The following AHNAK2 variants were observed in gnomAD, a reference collection of about 807,000 sequenced individuals.
The protein encoded by AHNAK2 is AHNAK nucleoprotein 2, also known as protein AHNAK2.
AHNAK2 carries 18 observed loss-of-function variants against 30.7 expected under a neutral mutation model. That is an observed-to-expected ratio of 0.59 (90% CI 0.41 to 0.87). The LOEUF (loss-of-function observed/expected upper bound fraction) is 0.87. AHNAK2 is among the 40% of genes least tolerant of loss of function. The probability of loss-of-function intolerance (pLI) is 0.00; values close to 1 mark genes in which losing one functional copy is unlikely to be tolerated. For synonymous variants in AHNAK2, 3,590 were observed against 3,073.8 expected (o/e 1.17, Z -5.56); for missense variants, 8,604 against 7,373.0 (o/e 1.17, Z -6.11).
At position 104,951,587 on chromosome 14, in the gene AHNAK2, AG is replaced by A. The variant is rs1566916360; in HGVS notation, c.3863del (p.Ala1288ValfsTer34). 8.0e-7 allele frequency: 1 copy of A among 1,242,552 alleles called. No homozygotes were observed. Among genetic ancestry groups the A allele is most frequent in the African/African-American group, 1.4e-5 (1 of 69,480 alleles). The allele number at this position is 1,242,552 out of a possible 1,614,324, so 77.0% of individuals were successfully genotyped here. On this transcript the variant is annotated frameshift_variant, in exon 7 of 7. Coordinates refer to ENST00000333244, the MANE Select transcript of AHNAK2 (RefSeq NM_138420.4). LOFTEE classifies it low-confidence loss of function (END_TRUNC). ...CCACCTCCACACTGGGCAGAGACAC[AG>A]CCACTTCGTGGGCCGTCACCTCTGC... ...HKAEVTAHEVAVSLPSVEVDM... is the reference protein window; with the variant it reads ...HKAEVTAHEVXVSLPSVEVDM...
chr14:104,952,947 A>G lies in AHNAK2; in HGVS notation c.2504T>C (p.Met835Thr). The change falls in exon 7 of 7, where the codon ATG becomes ACG. Residue 835 changes from methionine to threonine, a missense_variant. Transcript: ENST00000333244. ...GAATGATGGCATCTTGAACTTGGGC[A>G]TTTTGAACTTGCTGTCTTTGGCAGT... is the stretch of plus-strand genomic sequence containing the variant. ...EVTAKDSKFK[M>T]PKFKMPSFGV... is the part of the protein sequence containing the mutation. 1.2e-6 allele frequency: 2 copies of G among 1,611,298 alleles called. No homozygotes were observed. The highest frequency in any genetic ancestry group is 1.1e-5 in the South Asian group (1 of 90,934).
At position 104,952,087 on chromosome 14, in the gene AHNAK2, C is replaced by T. The variant is rs1595418194; in HGVS notation, c.3364G>A (p.Val1122Met). The T allele has an allele frequency of 1.2e-6, 2 of 1,612,680 alleles. No homozygotes were observed. The highest frequency in any genetic ancestry group is 1.3e-5 in the African/African-American group (1 of 74,420). Residue 1122 changes from valine (V) to methionine (M), a missense_variant, in exon 7 of 7, where the codon GTG becomes ATG. Physicochemically the swap from Val to Met is conservative, Grantham distance 21. Coordinates refer to ENST00000333244, the MANE Select transcript of AHNAK2 (RefSeq NM_138420.4). ...SPKAEVTAPD[V>M]EVSLPSVEVD... The stretch of plus-strand genomic sequence containing the variant: ...TCCACGCTGGGCAGAGACACCTCCA[C>T]ATCAGGGGCTGTGACTTCCGCCTTG...
Position 104,941,266 on chromosome 14 carries a change from T to G in AHNAK2, c.14185A>C (p.Ile4729Leu). The change falls in exon 7 of 7, where the codon ATA becomes CTA. Residue 4729 changes from isoleucine (I) to leucine (L), a missense_variant. By Grantham distance (5) the Ile-to-Leu change is conservative. Transcript: ENST00000333244. ...DSLVPGAKSS[I>L]GLSTIPLSSS... Reference sequence around the variant, plus strand: ...GATAAAGGAATCGTGGAAAGACCTATGCTAGACTTTGCACCTGGGACTAAA... The same window carrying G: ...GATAAAGGAATCGTGGAAAGACCTAGGCTAGACTTTGCACCTGGGACTAAA... 1.2e-6 allele frequency: 2 copies of G among 1,613,618 alleles called. No homozygotes were observed. Among genetic ancestry groups the G allele is most frequent in the Non-Finnish European group, 1.7e-6 (2 of 1,179,862 alleles).
rs1369343595 is a variant in AHNAK2, at chr14:104,940,553, G to C, written c.14898C>G (p.Ser4966=). Residue 4966 remains serine (S), a synonymous_variant, in exon 7 of 7, where the codon TCC becomes TCG. Coordinates refer to ENST00000333244, the MANE Select transcript of AHNAK2 (RefSeq NM_138420.4). The surrounding 1 kb of genome is among the most constrained non-coding windows in gnomAD (Gnocchi z 4.4). ...PKIKLPSFRW[S]PKKETGPKVD... Reference sequence around the variant, plus strand: ...CCTTTGGCCCTGTTTCCTTCTTCGGGGACCACCTAAATGATGGAAGCTTAA... The same window carrying C: ...CCTTTGGCCCTGTTTCCTTCTTCGGCGACCACCTAAATGATGGAAGCTTAA... 6.2e-7 allele frequency: 1 copy of C among 1,613,598 alleles called. No individual in the cohort carries two copies. The highest frequency in any genetic ancestry group is 8.5e-7 in the Non-Finnish European group (1 of 1,179,802).
intron 1 of AHNAK2, among the ~76,000 whole-genome samples, chr14:104,972,742 A>T (rs112292837): frequency 0.015 from 2,282 of 151,970 alleles, 60 homozygotes; most frequent in African/African-American, 0.052. Context: ...CCCTCTCCAG[A>T]CTCTAAGCAC....
chr14:104,969,258 G>A (rs1378356704), intron 1 of AHNAK2, among the ~76,000 whole-genome samples: 1 of 152,200 alleles, frequency 6.6e-6, no homozygotes, highest in Non-Finnish European at 1.5e-5. Context: ...CTGCACCCGT[G>A]AGGCTATTCA....
Position 104,954,064 on chromosome 14 carries a change from C to T in AHNAK2, c.1387G>A (p.Ala463Thr), listed in dbSNP as rs751434021. ...GTTGTGTCTCTCAAGGACAGTCTGG[C>T]GATCCCGATTTCCAGGCTCTGCAGT... ...EGLQSLEIGI[A>T]RLSLRDTTEG... is the part of the protein sequence containing the mutation. Residue 463 changes from alanine to threonine, a missense_variant, in exon 7 of 7, where the codon GCC (alanine) becomes ACC (threonine). By Grantham distance (58) the Ala-to-Thr change is moderately conservative. Coordinates refer to ENST00000333244, the MANE Select transcript of AHNAK2 (RefSeq NM_138420.4). The surrounding 1 kb of genome is among the most constrained non-coding windows in gnomAD (Gnocchi z 4.3). The T allele has an allele frequency of 5.0e-6, 8 of 1,613,148 alleles. No homozygotes were observed. The African/African-American group carries it at 5.3e-5, about 11-fold the overall frequency.
At position 104,948,572 on chromosome 14, in the gene AHNAK2, G is replaced by T. The variant is rs746545112; in HGVS notation, c.6879C>A (p.Ala2293=). 20 of 1,612,060 alleles carry T rather than the reference G, an allele frequency of 1.2e-5. 1 individual carries two copies. The East Asian group carries it at 1.8e-4, about 14-fold the overall frequency. Residue 2293 remains alanine (A), a synonymous_variant, in exon 7 of 7, where the codon GCC becomes GCA. Transcript: ENST00000333244. ...SVEVDVKAPG[A]KLDGARLEGD... is the part of the protein sequence containing the mutation. ...CCTCCAGCCGCGCACCATCCAGCTT[G>T]GCTCCTGGGGCCTTGACGTCCACCT...
chr14:104,943,823 C>G lies in AHNAK2; in HGVS notation c.11628G>C (p.Val3876=), dbSNP rs755155688. The G allele has an allele frequency of 6.2e-7, 1 of 1,612,078 alleles. No individual in the cohort carries two copies. Among genetic ancestry groups the G allele is most frequent in the Non-Finnish European group, 8.5e-7 (1 of 1,179,494 alleles). ...QVDMKLLEGH[V]PEEAGLKGHL... The stretch of plus-strand genomic sequence containing the variant: ...GTCCTTTGAGGCCGGCTTCCTCGGG[C>G]ACGTGGCCCTCCAGGAGTTTCATGT... Residue 3876 remains valine (V), a synonymous_variant, in exon 7 of 7, where the codon GTG becomes GTC. Transcript: ENST00000333244.
At position 104,954,797 on chromosome 14, in the gene AHNAK2, G is replaced by A. The variant is rs906346230; in HGVS notation, c.654C>T (p.Asp218=). The part of the protein sequence containing the change: ...QHGPQGKEKE[D]TDVADGCRET... ...CTCTGCACCCATCAGCAACATCCGTGTCCTGAAACATAGGGAGAGGGAATC... is the reference window on the plus strand; with the variant it reads ...CTCTGCACCCATCAGCAACATCCGTATCCTGAAACATAGGGAGAGGGAATC... Residue 218 remains aspartate (D), a splice_region_variant and synonymous_variant, in exon 7 of 7, where the codon GAC becomes GAT. Transcript: ENST00000333244. The surrounding 1 kb of genome is among the most constrained non-coding windows in gnomAD (Gnocchi z 4.3). 1 of 1,559,306 alleles carries A rather than the reference G, an allele frequency of 6.4e-7. No individual in the cohort carries two copies. Among genetic ancestry groups the A allele is most frequent in the African/African-American group, 1.4e-5 (1 of 73,058 alleles).
At position 104,945,374 on chromosome 14, in the gene AHNAK2, C is replaced by G; in HGVS notation, c.10077G>C (p.Gln3359His). The G allele has an allele frequency of 6.2e-7, 1 of 1,612,694 alleles. No homozygotes were observed. Among genetic ancestry groups the G allele is most frequent in the African/African-American group, 1.3e-5 (1 of 74,684 alleles). The change falls in exon 7 of 7, where the codon CAG (glutamine) becomes CAC (histidine). Residue 3359 changes from glutamine to histidine, a missense_variant. Coordinates refer to ENST00000333244, the MANE Select transcript of AHNAK2 (RefSeq NM_138420.4). ...GGACCTCCAGGTCCACAGAAGGGAGCTGAATGCTGAGGTCAGTGGTCTTGA... is the reference window on the plus strand; with the variant it reads ...GGACCTCCAGGTCCACAGAAGGGAGGTGAATGCTGAGGTCAGTGGTCTTGA... The part of the protein sequence containing the change: ...GDLKTTDLSI[Q>H]LPSVDLEVQA...
At position 104,947,942 on chromosome 14, in the gene AHNAK2, C is replaced by T. The variant is rs1348570910; in HGVS notation, c.7509G>A (p.Glu2503=). The change falls in exon 7 of 7, where the codon GAG becomes GAA. Residue 2503 remains glutamate (E), a synonymous_variant. Coordinates refer to ENST00000333244, the MANE Select transcript of AHNAK2 (RefSeq NM_138420.4). ...FGVSAPGKSI[E]ASVDVSAPKV... ...TCGGCGCAGACACATCCACCGAGGC[C>T]TCGATGGACTTGCCTGGGGCAGACA... is the stretch of plus-strand genomic sequence containing the variant. 17 of 1,612,800 alleles carry T rather than the reference C, an allele frequency of 1.1e-5. No individual in the cohort carries two copies. Among genetic ancestry groups the T allele is most frequent in the South Asian group, 8.8e-5 (8 of 91,048 alleles).
Position 104,945,401 on chromosome 14 carries a change from GT to G in AHNAK2, c.10049del (p.Asp3350AlafsTer25), listed in dbSNP as rs1264881849. 3.7e-6 allele frequency: 6 copies of G among 1,612,820 alleles called. No homozygotes were observed. The African/African-American group carries it at 8.0e-5, about 22-fold the overall frequency. On this transcript the variant is annotated frameshift_variant, in exon 7 of 7. Coordinates refer to ENST00000333244, the MANE Select transcript of AHNAK2 (RefSeq NM_138420.4). LOFTEE classifies it low-confidence loss of function (END_TRUNC). ...GAATGCTGAGGTCAGTGGTCTTGAGGTCCCCCTGCATGGAGGGGAGGCTCAC... is the reference window on the plus strand; with the variant it reads ...GAATGCTGAGGTCAGTGGTCTTGAGGCCCCCTGCATGGAGGGGAGGCTCAC... Reference protein sequence around the residue: ...ADVSLPSMQGDLKTTDLSIQL... With the variant: ...ADVSLPSMQGXLKTTDLSIQL...
At position 104,940,339 on chromosome 14, in the gene AHNAK2, C is replaced by A; in HGVS notation, c.15112G>T (p.Val5038Phe). The change falls in exon 7 of 7, where the codon GTC (valine) becomes TTC (phenylalanine). Residue 5038 changes from valine (V) to phenylalanine (F), a missense_variant. Coordinates refer to ENST00000333244, the MANE Select transcript of AHNAK2 (RefSeq NM_138420.4). The surrounding 1 kb of genome is among the most constrained non-coding windows in gnomAD (Gnocchi z 4.4). ...LPKMKASKSG[V>F]SLPQRDVDPS... ...TCCACGTCTCTCTGTGGCAGGCTGA[C>A]CCCACTCTTAGAAGCCTTCATTTTG... 1 of 1,613,798 alleles carries A rather than the reference C, an allele frequency of 6.2e-7. No homozygotes were observed. The highest frequency in any genetic ancestry group is 8.5e-7 in the Non-Finnish European group (1 of 1,179,886).
Position 104,940,667 on chromosome 14 carries a change from G to A in AHNAK2, c.14784C>T (p.Ser4928=). The change falls in exon 7 of 7, where the codon TCC becomes TCT. Residue 4928 remains serine, a synonymous_variant. Transcript: ENST00000333244. This position sits in a 1 kb window ranked among gnomAD's most constrained non-coding sequence, Gnocchi z 4.4. The part of the protein sequence containing the change: ...VSQGPEELVA[S]LQTSVVAPGE... ...CAGGGGCCACTACTGATGTCTGCAA[G>A]GAGGCCACAAGCTCTTCTGGGCCCT... 2 of 1,613,428 alleles carry A rather than the reference G, an allele frequency of 1.2e-6. No individual in the cohort carries two copies. Among genetic ancestry groups the A allele is most frequent in the East Asian group, 2.2e-5 (1 of 44,880 alleles).
chr14:104,940,142 A>G lies in AHNAK2; in HGVS notation c.15309T>C (p.Asp5103=). The G allele has an allele frequency of 6.2e-7, 1 of 1,613,422 alleles. No individual in the cohort carries two copies. The highest frequency in any genetic ancestry group is 8.5e-7 in the Non-Finnish European group (1 of 1,179,886). Residue 5103 remains aspartate (D), a synonymous_variant, in exon 7 of 7, where the codon GAT becomes GAC. Coordinates refer to ENST00000333244, the MANE Select transcript of AHNAK2 (RefSeq NM_138420.4). This position sits in a 1 kb window ranked among gnomAD's most constrained non-coding sequence, Gnocchi z 4.4. ...HIPSLGFAKP[D]LRSSKAKVEV... ...CCACCTTGGCCTTGGAGGATCTGAG[A>G]TCAGGTTTGGCAAAGCCCAAACTGG... is the stretch of plus-strand genomic sequence containing the variant.
At position 104,948,179 on chromosome 14, in the gene AHNAK2, C is replaced by G; in HGVS notation, c.7272G>C (p.Lys2424Asn). 2 of 1,612,736 alleles carry G rather than the reference C, an allele frequency of 1.2e-6. No homozygotes were observed. Among genetic ancestry groups the G allele is most frequent in the Admixed American group, 3.3e-5 (2 of 59,934 alleles). Residue 2424 changes from lysine to asparagine, a missense_variant, in exon 7 of 7, where the codon AAG (lysine) becomes AAC (asparagine). Lys to Asn is a moderately conservative substitution (Grantham distance 94). Coordinates refer to ENST00000333244, the MANE Select transcript of AHNAK2 (RefSeq NM_138420.4). ...VDLKGPQIDVKGPKLDLKGPK... is the reference protein window; with the variant it reads ...VDLKGPQIDVNGPKLDLKGPK... Reference sequence around the variant, plus strand: ...GGCCTTTCAGGTCCAGCTTGGGGCCCTTGACATCTATCTGGGGGCCCTTGA... The same window carrying G: ...GGCCTTTCAGGTCCAGCTTGGGGCCGTTGACATCTATCTGGGGGCCCTTGA...
Position 104,950,589 on chromosome 14 carries a change from A to G in AHNAK2, c.4862T>C (p.Leu1621Pro). 1 of 1,586,926 alleles carries G rather than the reference A, an allele frequency of 6.3e-7. No homozygotes were observed. The highest frequency in any genetic ancestry group is 1.1e-5 in the South Asian group (1 of 89,618). The change falls in exon 7 of 7, where the codon CTG becomes CCG. Residue 1621 changes from leucine (L) to proline (P), a missense_variant. Leu to Pro is a moderately conservative substitution (Grantham distance 98). Coordinates refer to ENST00000333244, the MANE Select transcript of AHNAK2 (RefSeq NM_138420.4). ...EVTAPDVKMS[L>P]SSMEVDVQAP... ...CTGGACGTCCACCTCCATGCTGGAC[A>G]GAGACATCTTCACATCGGGGGCTGT...
Position 104,953,796 on chromosome 14 carries a change from TCCCC to T in AHNAK2, c.1651_1654del (p.Gly551MetfsTer29). On this transcript the variant is annotated frameshift_variant, in exon 7 of 7. Coordinates refer to ENST00000333244, the MANE Select transcript of AHNAK2 (RefSeq NM_138420.4). LOFTEE classifies it low-confidence loss of function (END_TRUNC). Reference sequence around the variant, plus strand: ...TAGTCCTTCCTCTCCATCTCCTTCATCCCCCTGTGCTTCTGCATGTGTGGTTGGT... The same window carrying T: ...TAGTCCTTCCTCTCCATCTCCTTCATCTGTGCTTCTGCATGTGTGGTTGGT... 1 of 1,613,908 alleles carries T rather than the reference TCCCC, an allele frequency of 6.2e-7. No homozygotes were observed. The highest frequency in any genetic ancestry group is 2.2e-5 in the East Asian group (1 of 44,878).
Sources: allele counts gnomAD v4.1 joint callset (sites outside exome capture counted in the v4.1 genomes callset), GRCh38; gene constraint gnomAD v4.1.1; non-coding constraint Gnocchi (gnomAD v3.1); transcripts MANE v1.5; gene names NCBI Gene and HGNC (gene_info 2026-07-23, HGNC 2026-07-21).